Variants in SPMAP2L observed in about 807,000 individuals in gnomAD.
The protein encoded by SPMAP2L is sperm microtubule associated protein 2-like.
chr4:56,598,702 G>A, the SPMAP2L span, among the ~76,000 whole-genome samples: 1 of 151,716 alleles, frequency 6.6e-6, no homozygotes, highest in Non-Finnish European at 1.5e-5. Context: ...AGGAGGGGAG[G>A]AAGATGAGGT....
At chr4:56,578,895 T>G in the SPMAP2L span, among the ~76,000 whole-genome samples, 1 of 151,110 alleles carries the variant, frequency 6.6e-6, no homozygotes, top group Non-Finnish European at 1.5e-5. Context: ...CTGGGTAATA[T>G]AGCAAGACCT....
chr4:56,598,950 C>G, the SPMAP2L span, among the ~76,000 whole-genome samples: 1 of 152,004 alleles, frequency 6.6e-6, no homozygotes, highest in Non-Finnish European at 1.5e-5. Flanking sequence ...GGGGCTTCCC[C>G]CTTCGCTGGG....
the SPMAP2L span, among the ~76,000 whole-genome samples, chr4:56,570,335 G>A: frequency 5.9e-5 from 9 of 152,176 alleles, no homozygotes; most frequent in East Asian, 9.6e-4. Flanking sequence ...AAATGCATCC[G>A]TAGGTGATTT....
At chr4:56,612,643 C>T in the SPMAP2L span, among the ~76,000 whole-genome samples, 1 of 152,172 alleles carries the variant, frequency 6.6e-6, no homozygotes, top group Non-Finnish European at 1.5e-5. Context: ...TCTCAGCTCA[C>T]TGCAATCTCC....
chr4:56,539,382 T>C, the SPMAP2L span, among the ~76,000 whole-genome samples: 1 of 152,162 alleles, frequency 6.6e-6, no homozygotes, highest in South Asian at 2.1e-4. Context: ...GCACTTCATT[T>C]TTCTGAGTTA....
At chr4:56,547,815 T>C in the SPMAP2L span, among the ~76,000 whole-genome samples, 1 of 152,198 alleles carries the variant, frequency 6.6e-6, no homozygotes, top group East Asian at 1.9e-4. Context: ...TGGGATCACC[T>C]ACATTTTTCC....
the SPMAP2L span, among the ~76,000 whole-genome samples, chr4:56,581,159 TA>T: frequency 7.0e-3 from 1,038 of 148,550 alleles, 14 homozygotes; most frequent in African/African-American, 0.024. Flanking sequence ...CTACTAAAAA[TA>T]AAAAAAAAAT....
chr4:56,605,558 T>G, the SPMAP2L span, among the ~76,000 whole-genome samples: 1 of 152,208 alleles, frequency 6.6e-6, no homozygotes, highest in Non-Finnish European at 1.5e-5. Flanking sequence ...ACTCATTACT[T>G]TGAATTTTGT....
the SPMAP2L span, among the ~76,000 whole-genome samples, chr4:56,539,984 C>A: frequency 6.6e-6 from 1 of 152,154 alleles, no homozygotes; most frequent in Non-Finnish European, 1.5e-5. Context: ...CTTCTCTATT[C>A]CAAAGCTTAA....
At chr4:56,538,844 A>G in the SPMAP2L span, among the ~76,000 whole-genome samples, 15 of 152,288 alleles carry the variant, frequency 9.8e-5, no homozygotes, top group East Asian at 2.9e-3. Flanking sequence ...AAAGCCTTCT[A>G]CCTTCTCAAT....
At chr4:56,537,823 G>A in the SPMAP2L span, among the ~76,000 whole-genome samples, 2 of 152,040 alleles carry the variant, frequency 1.3e-5, no homozygotes, top group Non-Finnish European at 2.9e-5. Flanking sequence ...CTCCCGAGTA[G>A]CTGGGACTAC....
At chr4:56,593,318 A>G in the SPMAP2L span, 9 of 1,149,754 alleles carry the variant, frequency 7.8e-6, no homozygotes, top group African/African-American at 1.5e-5. Flanking sequence ...TTTTTTGTTG[A>G]CCCCCATTGC....
the SPMAP2L span, among the ~76,000 whole-genome samples, chr4:56,534,653 G>A: frequency 6.6e-6 from 1 of 152,182 alleles, no homozygotes; most frequent in Admixed American, 6.5e-5. Context: ...TGGGCTGGGT[G>A]CAGTGGCTTA....
chr4:56,598,116 A>G, the SPMAP2L span, among the ~76,000 whole-genome samples: 1 of 152,088 alleles, frequency 6.6e-6, no homozygotes, highest in Admixed American at 6.6e-5. Context: ...TTGTGCCTCA[A>G]CCTCCCAAAG....
At chr4:56,542,498 A>G in the SPMAP2L span, among the ~76,000 whole-genome samples, 1 of 151,706 alleles carries the variant, frequency 6.6e-6, no homozygotes, top group Non-Finnish European at 1.5e-5. Context: ...GATCTTAAAA[A>G]GGGGAAGAAA....
At chr4:56,608,405 A>G in the SPMAP2L span, among the ~76,000 whole-genome samples, 2 of 152,218 alleles carry the variant, frequency 1.3e-5, no homozygotes, top group African/African-American at 4.8e-5. Flanking sequence ...TAGTATGGCT[A>G]GAAGGAAGTC....
the SPMAP2L span, among the ~76,000 whole-genome samples, chr4:56,547,199 G>A: frequency 6.6e-6 from 1 of 151,582 alleles, no homozygotes; most frequent in Non-Finnish European, 1.5e-5. Flanking sequence ...ATATATGTAA[G>A]TGATGTACAT....
the SPMAP2L span, among the ~76,000 whole-genome samples, chr4:56,611,258 G>T: frequency 6.6e-6 from 1 of 152,202 alleles, no homozygotes; most frequent in Admixed American, 6.5e-5. Context: ...TTAATACTCA[G>T]CCATAAAAAG....
the SPMAP2L span, among the ~76,000 whole-genome samples, chr4:56,537,701 T>C: frequency 6.6e-6 from 1 of 152,028 alleles, no homozygotes; most frequent in South Asian, 2.1e-4. Flanking sequence ...TCTTTTCTTT[T>C]TTTTTTTTGA....
Sources: gnomAD v4.1 joint callset for allele counts (sites outside exome capture counted in the v4.1 genomes callset) on GRCh38, gnomAD v4.1.1 for gene constraint, MANE v1.5 for transcripts, NCBI Gene and HGNC (gene_info 2026-07-23, HGNC 2026-07-21) for gene names.